Variants in FAM53A observed in about 807,000 individuals in gnomAD.
The protein encoded by FAM53A is family with sequence similarity 53 member A, also known as protein FAM53A.
FAM53A carries 28 observed loss-of-function variants against 26.6 expected under a neutral mutation model. The ratio of observed to expected loss-of-function variants is 1.05; its 90% CI spans 0.78 to 1.45. FAM53A has a LOEUF of 1.45. Ranked by LOEUF, FAM53A falls within the 40% of genes most tolerant of loss-of-function variation. The pLI, the probability that FAM53A is intolerant of heterozygous loss-of-function variation, is 0.00. For synonymous variants in FAM53A, 290 were observed against 253.1 expected, an observed-to-expected ratio of 1.15 and a Z score of -1.38; for missense variants, 650 against 575.8, an observed-to-expected ratio of 1.13 and a Z score of -1.32.
At chr4:1,604,011 C>A in the FAM53A span, among the ~76,000 whole-genome samples, 10 of 152,328 alleles carry the variant, frequency 6.6e-5, no homozygotes, top group East Asian at 1.7e-3. Context: ...TCCAGCCTGC[C>A]AGAAAAGCCC....
At chr4:1,642,365 T>TA (rs1711792677) in intron 4 of FAM53A, among the ~76,000 whole-genome samples, 2 of 151,922 alleles carry the variant, frequency 1.3e-5, no homozygotes, top group Non-Finnish European at 2.9e-5. Context: ...CCACAGCAGG[T>TA]CCCTGAGTGC....
chr4:1,646,792 T>A (rs1000183774), intron 4 of FAM53A, among the ~76,000 whole-genome samples: 3 of 152,168 alleles, frequency 2.0e-5, no homozygotes, highest in Non-Finnish European at 2.9e-5. Context: ...AGGCTCTGGG[T>A]GACCCAGCTG....
rs1042241048 is a variant in FAM53A, at chr4:1,630,585, G to A, written c.432-12474C>T. On this transcript the variant is annotated intron_variant, in intron 1 of 1. Coordinates refer to the FAM53A transcript ENST00000489029. The surrounding 1 kb of genome is among the most constrained non-coding windows in gnomAD (Gnocchi z 4.3). ...CCAGTCCGTCCCACACCTGAGGCAG[G>A]CTCAGCAATTCCCCTCAGCCTCACC... Among the ~76,000 whole-genome samples, 1 of 152,188 alleles carries A rather than the reference G, an allele frequency of 6.6e-6. No individual in the cohort carries two copies. The highest frequency in any genetic ancestry group is 1.5e-5 in the Non-Finnish European group (1 of 68,044).
Position 1,640,554 on chromosome 4 carries a change from C to A in FAM53A, c.*739G>T, listed in dbSNP as rs1711587264. ...CCGAACTGCAAAAGCCATAAAAATG[C>A]AAAATGCTTCTTTAGGAAAAACTGA... On this transcript the variant is annotated 3_prime_UTR_variant, in exon 5 of 5. Transcript: ENST00000308132. 2 of 333,710 alleles carry A rather than the reference C, an allele frequency of 6.0e-6. No individual in the cohort carries two copies. The highest frequency in any genetic ancestry group is 1.1e-5 in the Non-Finnish European group (2 of 176,098). The allele number at this position is 333,710 out of a possible 1,614,324, so 20.7% of individuals were successfully genotyped here. A position where few individuals can be genotyped will look rare whatever the true frequency, so the allele number is the denominator to read the frequency against.
chr4:1,577,073 C>A, the FAM53A span, among the ~76,000 whole-genome samples: 1 of 151,820 alleles, frequency 6.6e-6, no homozygotes, highest in South Asian at 2.1e-4. Context: ...TGAGCGGGTA[C>A]GGTGGGGACA....
chr4:1,597,230 C>A, the FAM53A span, among the ~76,000 whole-genome samples: 1 of 31,018 alleles, frequency 3.2e-5, no homozygotes, highest in Non-Finnish European at 7.3e-5. Context: ...GCCTGGCTCT[C>A]TATCAGGGGT....
rs113701882 is a variant in FAM53A at position 1,666,230 on chromosome 4, T to C, written c.75+2437A>G. ...AAAACCTGCACCTGCACCCCCTGTA[T>C]CTAAAATAAAGCCTGCACCTGCACA... On this transcript the variant is annotated intron_variant, in intron 2 of 4. Transcript: ENST00000308132. Among the ~76,000 whole-genome samples the C allele has an allele frequency of 2.5e-4, 31 of 123,546 alleles. 3 individuals are homozygous for C. The highest frequency in any genetic ancestry group is 9.1e-4 in the African/African-American group (28 of 30,928). 81.1% of individuals were successfully genotyped at this position (123,546 alleles called of 152,430 possible). A position where few individuals can be genotyped will look rare whatever the true frequency, so the allele number is the denominator to read the frequency against.
At chr4:1,582,679 G>C in the FAM53A span, among the ~76,000 whole-genome samples, 82 of 152,244 alleles carry the variant, frequency 5.4e-4, 3 homozygotes, top group Admixed American at 5.1e-3. Flanking sequence ...AAAATGGTGA[G>C]ACCCCATCTC....
At chr4:1,635,836 CTTTTTTT>C (rs141715501), downstream of FAM53A, among the ~76,000 whole-genome samples, 3 of 81,490 alleles carry the variant, frequency 3.7e-5, no homozygotes, top group African/African-American at 5.7e-5. Flanking sequence ...AATACTAATT[CTTTTTTT>C]TTTTTTTTTT....
the FAM53A span, among the ~76,000 whole-genome samples, chr4:1,586,794 A>C: frequency 6.6e-6 from 1 of 151,162 alleles, no homozygotes; most frequent in Non-Finnish European, 1.5e-5. Flanking sequence ...AAAAAAAAAA[A>C]AAAAGAAGAA....
downstream of FAM53A, among the ~76,000 whole-genome samples, chr4:1,637,304 G>A (rs1411687683): frequency 6.6e-6 from 1 of 152,178 alleles, no homozygotes; most frequent in Non-Finnish European, 1.5e-5. Flanking sequence ...CCCTGGCACA[G>A]AGGCTGCCAC....
chr4:1,614,972 G>A (rs1035533907), downstream of FAM53A, among the ~76,000 whole-genome samples: 5 of 152,186 alleles, frequency 3.3e-5, no homozygotes, highest in Admixed American at 2.0e-4. Context: ...AAAGGGACAC[G>A]AGAGCAAAAA....
the FAM53A span, among the ~76,000 whole-genome samples, chr4:1,602,547 A>G: frequency 6.6e-6 from 1 of 152,196 alleles, no homozygotes; most frequent in Admixed American, 6.5e-5. Flanking sequence ...CGGCCTCGAA[A>G]ATTGCTGCTG....
At chr4:1,678,302 T>C (rs1715178309) in intron 1 of FAM53A, among the ~76,000 whole-genome samples, 1 of 152,130 alleles carries the variant, frequency 6.6e-6, no homozygotes, top group Non-Finnish European at 1.5e-5. Flanking sequence ...ATGATTGCAC[T>C]GCTGCACTCC....
the FAM53A span, among the ~76,000 whole-genome samples, chr4:1,578,940 GA>G: frequency 7.1e-6 from 1 of 140,702 alleles, no homozygotes; most frequent in Non-Finnish European, 1.6e-5. Context: ...AGGGGGAGGA[GA>G]GGGGTCGCCT....
chr4:1,611,700 C>T, the FAM53A span, among the ~76,000 whole-genome samples: 1 of 152,222 alleles, frequency 6.6e-6, no homozygotes, highest in Non-Finnish European at 1.5e-5. Flanking sequence ...TCTGTCCACA[C>T]GGTGGGCAAG....
chr4:1,648,784 C>T (rs1196635554), intron 4 of FAM53A, among the ~76,000 whole-genome samples: 4 of 152,188 alleles, frequency 2.6e-5, no homozygotes, highest in Non-Finnish European at 1.5e-5. Flanking sequence ...GCAGCACCCA[C>T]ATCACTGTTC....
chr4:1,652,394 C>T (rs1042245279), intron 4 of FAM53A, among the ~76,000 whole-genome samples: 3 of 147,584 alleles, frequency 2.0e-5, no homozygotes, highest in African/African-American at 7.5e-5. Context: ...CACATGCACA[C>T]CACACACACC....
At chr4:1,637,406 T>G (rs1194500881), downstream of FAM53A, among the ~76,000 whole-genome samples, 2 of 151,792 alleles carry the variant, frequency 1.3e-5, no homozygotes, top group Non-Finnish European at 2.9e-5. Context: ...CGGTTGGGGG[T>G]GAGGCCAGCC....
Sources: gnomAD v4.1 joint callset for allele counts (sites outside exome capture counted in the v4.1 genomes callset) on GRCh38, gnomAD v4.1.1 for gene constraint, Gnocchi (gnomAD v3.1) non-coding constraint, MANE v1.5 for transcripts, NCBI Gene and HGNC (gene_info 2026-07-23, HGNC 2026-07-21) for gene names.